The following KDM6B variants were observed in gnomAD, a reference collection of about 807,000 sequenced individuals.
KDM6B encodes lysine demethylase 6B, also known as lysine-specific demethylase 6B.
Under a neutral mutation model 150.4 loss-of-function variants are expected in KDM6B, and 22 were observed. The observed-to-expected ratio is 0.15, with a 90% CI of 0.10 to 0.21. The LOEUF is 0.21. Ranked by LOEUF, KDM6B falls within the 10% of genes least tolerant of loss-of-function variation. The pLI is 1.00. For missense variants in KDM6B, 1,984 were observed against 2,234.3 expected, an observed-to-expected ratio of 0.89 and a Z score of 2.26; for synonymous variants, 1,148 against 921.1, an observed-to-expected ratio of 1.25 and a Z score of -4.46.
Position 7,852,136 on chromosome 17 carries a change from G to T in KDM6B, c.4281-13G>T. 1 of 1,614,014 alleles carries T rather than the reference G, an allele frequency of 6.2e-7. No individual in the cohort carries two copies. The highest frequency in any genetic ancestry group is 1.1e-5 in the South Asian group (1 of 91,086). On this transcript the variant is annotated splice_polypyrimidine_tract_variant and intron_variant, in intron 19 of 23. Transcript: ENST00000448097. The stretch of plus-strand genomic sequence containing the variant: ...GGTCCCCAGTTCCCACCTGACCTGT[G>T]GCCACCCCGCAGGCACGGCGTGGAC...
chr17:7,846,370 T>TGGGCCA, intron 7 of KDM6B, 30 bp from the exon 8 acceptor site: 1 of 1,501,954 alleles, frequency 6.7e-7, no homozygotes, highest in Non-Finnish European at 9.1e-7. Flanking sequence ...ACCTGACATC[T>TGGGCCA]GCCCCTGCCC....
At chr17:7,847,506 G>GC in intron 11 of KDM6B, 40 bp from the exon 12 acceptor site, 1 of 1,612,940 alleles carries the variant, frequency 6.2e-7, no homozygotes, top group South Asian at 1.1e-5. Context: ...TCTTGAGGCA[G>GC]CCCGAGCAAT....
At position 7,847,644 on chromosome 17, in the gene KDM6B, T is replaced by A. The variant is rs773397101; in HGVS notation, c.1356T>A (p.Ala452=). 1 of 1,609,060 alleles carries A rather than the reference T, an allele frequency of 6.2e-7. No homozygotes were observed. Among genetic ancestry groups the A allele is most frequent in the Admixed American group, 1.7e-5 (1 of 59,784 alleles). ...AHSSRKPFLG[A]PAATPHLSLP... ...GCAGTCGGAAACCGTTCTTGGGGGC[T>A]CCCGCTGCCACTCCCCACCTATCCC... Residue 452 remains alanine, a synonymous_variant, in exon 12 of 24, where the codon GCT becomes GCA. Coordinates refer to ENST00000448097, the MANE Select transcript of KDM6B (RefSeq NM_001348716.2).
rs2078479206 is a variant in KDM6B, at chr17:7,844,116, C to T, written c.-268-785C>T. 6.7e-6 allele frequency: 1 copy of T among 149,812 alleles called. No individual in the cohort carries two copies. Among genetic ancestry groups the T allele is most frequent in the South Asian group, 2.2e-4 (1 of 4,650 alleles). The allele number at this position is 149,812 out of a possible 1,614,324, so 9.3% of individuals were successfully genotyped here. ...TTCCGCTGCGCAAGTAGCCACGTCA[C>T]GGGCAACCCCCGAAATCCCCCCTCC... On this transcript the variant is annotated intron_variant, in intron 2 of 23. Coordinates refer to ENST00000448097, the MANE Select transcript of KDM6B (RefSeq NM_001348716.2). The surrounding 1 kb of genome is among the most constrained non-coding windows in gnomAD (Gnocchi z 5.9).
chr17:7,851,029 C>G lies in KDM6B; in HGVS notation c.3682C>G (p.Leu1228Val), dbSNP rs887972851. ...LAGSLRLNLG[L>V]FSTKTLVEAS... ...TCGGCCCTCCCTTCCAGACTTGGGC[C>G]TCTTCTCCACCAAGACCCTGGTGGA... The change falls in exon 15 of 24, where the codon CTC becomes GTC. Residue 1228 changes from leucine to valine, a missense_variant. Transcript: ENST00000448097. 1 of 1,606,390 alleles carries G rather than the reference C, an allele frequency of 6.2e-7. No homozygotes were observed. Among genetic ancestry groups the G allele is most frequent in the African/African-American group, 1.3e-5 (1 of 74,806 alleles).
Position 7,847,401 on chromosome 17 carries a change from T to TAGCAGCAGCAGC in KDM6B, c.1208_1219dup (p.Ser403_Ser406dup), listed in dbSNP as rs762814813. On this transcript the variant is annotated inframe_insertion, in exon 11 of 24. Coordinates refer to ENST00000448097, the MANE Select transcript of KDM6B (RefSeq NM_001348716.2). Reference sequence around the variant, plus strand: ...CCGGCACCACCACCAGCAGCAGCAGTAGCAGCAGCAGCAACACTGGTCTCC... The same window carrying TAGCAGCAGCAGC: ...CCGGCACCACCACCAGCAGCAGCAGTAGCAGCAGCAGCAGCAGCAGCAGCAACACTGGTCTCC... 1.2e-6 allele frequency: 2 copies of TAGCAGCAGCAGC among 1,613,418 alleles called. No individual in the cohort carries two copies. The highest frequency in any genetic ancestry group is 2.2e-5 in the South Asian group (2 of 91,070).
chr17:7,847,026 T>G lies in KDM6B; in HGVS notation c.909+10T>G. On this transcript the variant is annotated intron_variant, in intron 10 of 23. Coordinates refer to ENST00000448097, the MANE Select transcript of KDM6B (RefSeq NM_001348716.2). The stretch of plus-strand genomic sequence containing the variant: ...ACCCCCAGAGCGCCAGGTGAGCCCC[T>G]GCCTGTTGCCTTTCACCTCTCACCT... 2 of 1,613,076 alleles carry G rather than the reference T, an allele frequency of 1.2e-6. No homozygotes were observed. Among genetic ancestry groups the G allele is most frequent in the South Asian group, 1.1e-5 (1 of 91,072 alleles).
rs779098944 is a variant in KDM6B at position 7,848,117 on chromosome 17, C to T, written c.1829C>T (p.Pro610Leu). The T allele has an allele frequency of 3.1e-6, 5 of 1,612,962 alleles. No homozygotes were observed. The highest frequency in any genetic ancestry group is 1.1e-5 in the South Asian group (1 of 91,088). Residue 610 changes from proline to leucine, a missense_variant, in exon 12 of 24, where the codon CCT (proline) becomes CTT (leucine). Physicochemically the swap from Pro to Leu is moderately conservative, Grantham distance 98. Transcript: ENST00000448097. ...VPLTLALPPA[P>L]PSSCHQNTSG... ...CTGACTCTTGCCCTGCCTCCAGCCC[C>T]TCCTTCCTCCTGCCACCAAAATACC... is the stretch of plus-strand genomic sequence containing the variant.
At position 7,849,696 on chromosome 17, in the gene KDM6B, C is replaced by G; in HGVS notation, c.3408C>G (p.Ser1136Arg). Residue 1136 changes from serine (S) to arginine (R), a missense_variant, in exon 12 of 24, where the codon AGC becomes AGG. Coordinates refer to ENST00000448097, the MANE Select transcript of KDM6B (RefSeq NM_001348716.2). ...TGCGCATGGCAGACCTCACCATCAGCCACTGTGCTGCTGACGTCGTGCGCG... is the reference window on the plus strand; with the variant it reads ...TGCGCATGGCAGACCTCACCATCAGGCACTGTGCTGCTGACGTCGTGCGCG... The part of the protein sequence containing the change: ...RRLRMADLTI[S>R]HCAADVVRAS... 2 of 1,610,634 alleles carry G rather than the reference C, an allele frequency of 1.2e-6. No individual in the cohort carries two copies. Among genetic ancestry groups the G allele is most frequent in the Non-Finnish European group, 1.7e-6 (2 of 1,179,902 alleles).
chr17:7,844,687 G>A lies in KDM6B; in HGVS notation c.-268-214G>A, dbSNP rs2078493706. Among the ~76,000 whole-genome samples the A allele has an allele frequency of 6.6e-6, 1 of 152,222 alleles. No individual in the cohort carries two copies. The highest frequency in any genetic ancestry group is 2.1e-4 in the South Asian group (1 of 4,834). On this transcript the variant is annotated intron_variant, in intron 2 of 23. Coordinates refer to ENST00000448097, the MANE Select transcript of KDM6B (RefSeq NM_001348716.2). The surrounding 1 kb of genome is among the most constrained non-coding windows in gnomAD (Gnocchi z 5.9). Reference sequence around the variant, plus strand: ...AGCGCCGGCCCCCACGCCGGCCGGAGCATGCGACTAACCGGCCTCATCCGC... The same window carrying A: ...AGCGCCGGCCCCCACGCCGGCCGGAACATGCGACTAACCGGCCTCATCCGC...
chr17:7,851,817 CGCTGAT>C, intron 18 of KDM6B, 21 bp downstream of exon 18: 1 of 1,557,046 alleles, frequency 6.4e-7, no homozygotes, highest in Non-Finnish European at 8.7e-7. Context: ...CGCCTGTGCG[CGCTGAT>C]GCTGGAAGCG....
At chr17:7,839,143 C>G (rs996523063) in intron 1 of KDM6B, among the ~76,000 whole-genome samples, 2 of 152,168 alleles carry the variant, frequency 1.3e-5, no homozygotes, top group East Asian at 3.8e-4. Context: ...CAACTTAGCT[C>G]TGACCCCTGA....
intron 1 of KDM6B, among the ~76,000 whole-genome samples, chr17:7,837,879 G>C (rs539041029): frequency 4.7e-4 from 71 of 152,146 alleles, no homozygotes; most frequent in African/African-American, 1.7e-3. Context: ...GTTTGTTAAG[G>C]GGTAGTGGAT....
intron 1 of KDM6B, among the ~76,000 whole-genome samples, chr17:7,837,459 G>A (rs2151367694): frequency 6.6e-6 from 1 of 152,314 alleles, no homozygotes; most frequent in African/African-American, 2.4e-5. Context: ...TGGTGGAGGG[G>A]GACTCAGTTG....
At chr17:7,834,568 G>A (rs978394630) in intron 1 of KDM6B, among the ~76,000 whole-genome samples, 1 of 150,156 alleles carries the variant, frequency 6.7e-6, no homozygotes, top group African/African-American at 2.4e-5. Context: ...GGTTCCAAAT[G>A]TCCAGAGGGG....
rs1475415110 is a variant in KDM6B at position 7,853,316 on chromosome 17, G to A, written c.4844G>A (p.Gly1615Asp). 1.9e-6 allele frequency: 3 copies of A among 1,593,494 alleles called. No individual in the cohort carries two copies. Among genetic ancestry groups the A allele is most frequent in the Non-Finnish European group, 2.6e-6 (3 of 1,171,294 alleles). ...CGGCGCCGCAGCGCAGGCCTGCAGG[G>A]CGTGGTGGTGCTGGAGCAGTACCGC... Reference protein sequence around the residue: ...CARRRSAGLQGVVVLEQYRTE... With the variant: ...CARRRSAGLQDVVVLEQYRTE... The change falls in exon 23 of 24, where the codon GGC (glycine) becomes GAC (aspartate). Residue 1615 changes from glycine to aspartate, a missense_variant. Physicochemically the swap from Gly to Asp is moderately conservative, Grantham distance 94. Transcript: ENST00000448097.
intron 2 of KDM6B, among the ~76,000 whole-genome samples, chr17:7,841,509 G>A (rs1313541508): frequency 6.6e-6 from 1 of 152,224 alleles, no homozygotes; most frequent in Non-Finnish European, 1.5e-5. Context: ...GGCAGACCCA[G>A]ACAAAAGACC....
rs1286317620 is a variant in KDM6B at position 7,846,391 on chromosome 17, C to T, written c.457-9C>T. On this transcript the variant is annotated splice_polypyrimidine_tract_variant and intron_variant, in intron 7 of 23. Coordinates refer to ENST00000448097, the MANE Select transcript of KDM6B (RefSeq NM_001348716.2). Reference sequence around the variant, plus strand: ...CATCTGCCCCTGCCCCGTGTCCCCCCACCCCCAGGCCCAGCTCTGGAACTT... The same window carrying T: ...CATCTGCCCCTGCCCCGTGTCCCCCTACCCCCAGGCCCAGCTCTGGAACTT... 1.3e-6 allele frequency: 2 copies of T among 1,578,718 alleles called. No homozygotes were observed. The highest frequency in any genetic ancestry group is 2.3e-5 in the East Asian group (1 of 42,698).
At chr17:7,851,292 GTC>G in intron 15 of KDM6B, 36 bp from the exon 16 acceptor site, 3 of 1,613,740 alleles carry the variant, frequency 1.9e-6, no homozygotes, top group Non-Finnish European at 2.5e-6. Flanking sequence ...CTCTCGAAAG[GTC>G]TCTGACCCAG....
Sources: gnomAD v4.1 joint callset for allele counts (sites outside exome capture counted in the v4.1 genomes callset) on GRCh38, gnomAD v4.1.1 for gene constraint, Gnocchi (gnomAD v3.1) non-coding constraint, MANE v1.5 for transcripts, NCBI Gene and HGNC (gene_info 2026-07-23, HGNC 2026-07-21) for gene names.